Variants in FAM13A observed in about 807,000 individuals in gnomAD.
FAM13A encodes protein FAM13A.
A neutral mutation model predicts 129.6 loss-of-function variants in FAM13A; 76 were observed. That is an observed-to-expected ratio of 0.59 (90% CI 0.49 to 0.71). The LOEUF is 0.71. Among genes scored for constraint, FAM13A ranks in the 30% least tolerant of loss-of-function variants. FAM13A has a pLI of 0.00. For synonymous variants in FAM13A, 443 were observed against 449.9 expected (o/e 0.98, Z 0.20); for missense variants, 1,108 against 1,249.3 (o/e 0.89, Z 1.70).
At chr4:88,936,725 G>C (rs1753910198) in intron 5 of FAM13A, 1 of 152,018 alleles carries the variant, frequency 6.6e-6, no homozygotes, top group South Asian at 2.1e-4. Context: ...TTATACTTCA[G>C]GTTCACCTTA....
intron 4 of FAM13A, among the ~76,000 whole-genome samples, chr4:88,951,477 T>C (rs1756937954): frequency 6.6e-6 from 1 of 152,206 alleles, no homozygotes; most frequent in South Asian, 2.1e-4. Context: ...TAAAAGAGAA[T>C]ATAAGTCTCA....
intron 4 of FAM13A, among the ~76,000 whole-genome samples, chr4:88,945,891 A>G (rs1282079262): frequency 7.8e-6 from 1 of 127,740 alleles, no homozygotes; most frequent in African/African-American, 3.1e-5. Flanking sequence ...TATGTATTCT[A>G]TGTGTGTATA....
intron 14 of FAM13A, among the ~76,000 whole-genome samples, chr4:88,751,059 T>G (rs112558843): frequency 0.096 from 14,601 of 152,210 alleles, 884 homozygotes; most frequent in African/African-American, 0.16. Flanking sequence ...CTGGCCAACA[T>G]GGTGAAACTC....
chr4:88,803,818 GC>G (rs1365527940), intron 8 of FAM13A, among the ~76,000 whole-genome samples: 1 of 152,184 alleles, frequency 6.6e-6, no homozygotes, highest in African/African-American at 2.4e-5. Flanking sequence ...ACTTCGCTAA[GC>G]CTGAAGTCCT....
intron 16 of FAM13A, 33 bp from the exon 17 acceptor site, chr4:88,749,066 G>C: frequency 6.8e-7 from 1 of 1,472,442 alleles, no homozygotes; most frequent in Non-Finnish European, 9.5e-7. Context: ...AAATGCTTTG[G>C]AACTGGAGCA....
At chr4:89,026,523 TCA>T (rs1220630015) in intron 2 of FAM13A, among the ~76,000 whole-genome samples, 1 of 152,180 alleles carries the variant, frequency 6.6e-6, no homozygotes, top group African/African-American at 2.4e-5. Flanking sequence ...TTTAACTAAC[TCA>T]CAGTTCAGCA....
chr4:88,839,056 C>T (rs1172553857), intron 7 of FAM13A, among the ~76,000 whole-genome samples: 1 of 151,900 alleles, frequency 6.6e-6, no homozygotes, highest in Admixed American at 6.6e-5. Context: ...ATACTCTTAT[C>T]ATCATGTTAT....
At chr4:88,913,148 G>T (rs1039537661) in intron 5 of FAM13A, among the ~76,000 whole-genome samples, 1 of 144,882 alleles carries the variant, frequency 6.9e-6, no homozygotes, top group African/African-American at 2.6e-5. Flanking sequence ...GGAAGAGGAA[G>T]AAGAGGAGGA....
At chr4:88,991,593 A>G (rs1306369698) in intron 3 of FAM13A, among the ~76,000 whole-genome samples, 1 of 152,188 alleles carries the variant, frequency 6.6e-6, no homozygotes, top group Admixed American at 6.5e-5. Context: ...TTTGATCCAC[A>G]GTGGAATCTT....
At chr4:88,924,385 T>A (rs1019473651) in intron 5 of FAM13A, among the ~76,000 whole-genome samples, 1 of 152,072 alleles carries the variant, frequency 6.6e-6, no homozygotes, top group African/African-American at 2.4e-5. Context: ...AACAGAGCCC[T>A]CAGAAATAAC....
intron 11 of FAM13A, among the ~76,000 whole-genome samples, chr4:88,774,602 T>G (rs189880956): frequency 6.6e-6 from 1 of 152,160 alleles, no homozygotes; most frequent in Non-Finnish European, 1.5e-5. Context: ...CTGAAAACAA[T>G]TGTTTTGTAG....
chr4:88,791,329 G>A (rs1431004609), intron 8 of FAM13A, among the ~76,000 whole-genome samples: 1 of 152,050 alleles, frequency 6.6e-6, no homozygotes, highest in East Asian at 1.9e-4. Flanking sequence ...GTATTGAGAA[G>A]TGGTCAACAC....
chr4:89,008,834 T>C (rs1185497262), intron 3 of FAM13A: 1 of 152,258 alleles, frequency 6.6e-6, no homozygotes, highest in Non-Finnish European at 1.5e-5. Flanking sequence ...GTTATCTATT[T>C]ATATCTACAA....
intron 22 of FAM13A, 104 bp from the exon 23 acceptor site, chr4:88,731,532 T>G: frequency 3.1e-6 from 2 of 646,672 alleles, no homozygotes; most frequent in East Asian, 5.5e-5. Flanking sequence ...GGGAGGCAAG[T>G]AAATGCAGAA....
chr4:88,968,640 C>T (rs1367492101), intron 4 of FAM13A, among the ~76,000 whole-genome samples: 2 of 152,076 alleles, frequency 1.3e-5, no homozygotes, highest in African/African-American at 2.4e-5. Flanking sequence ...GTGTTTTGGA[C>T]GTTTCTATTC....
intron 7 of FAM13A, among the ~76,000 whole-genome samples, chr4:88,837,584 G>A (rs1296016951): frequency 4.0e-5 from 6 of 151,520 alleles, no homozygotes; most frequent in African/African-American, 7.3e-5. Context: ...CAGGTGTGGT[G>A]GCACATGCCT....
At chr4:88,818,781 C>T (rs1323032766) in intron 7 of FAM13A, among the ~76,000 whole-genome samples, 3 of 152,122 alleles carry the variant, frequency 2.0e-5, no homozygotes, top group Non-Finnish European at 4.4e-5. Context: ...TACCAGAGTG[C>T]CAACAAGTTA....
chr4:88,829,197 A>C (rs1445885264), intron 7 of FAM13A, among the ~76,000 whole-genome samples: 1 of 152,232 alleles, frequency 6.6e-6, no homozygotes, highest in Non-Finnish European at 1.5e-5. Context: ...AGATATAATG[A>C]TATATTAAAA....
chr4:88,761,000 C>T (rs1001766243), intron 13 of FAM13A, among the ~76,000 whole-genome samples: 5 of 152,136 alleles, frequency 3.3e-5, no homozygotes, highest in Non-Finnish European at 5.9e-5. Context: ...ATTTCCTTCA[C>T]GAGGAACATA....
Sources: gnomAD v4.1 joint callset for allele counts (sites outside exome capture counted in the v4.1 genomes callset) on GRCh38, gnomAD v4.1.1 for gene constraint, MANE v1.5 for transcripts, NCBI Gene and HGNC (gene_info 2026-07-23, HGNC 2026-07-21) for gene names.